The following TENM3 variants were observed in gnomAD, a reference collection of about 807,000 sequenced individuals.
The protein encoded by TENM3 is teneurin-3.
TENM3 carries 63 observed loss-of-function variants against 255.1 expected under a neutral mutation model. The observed-to-expected ratio is 0.25, with a 90% confidence interval of 0.20 to 0.30. The LOEUF (loss-of-function observed/expected upper bound fraction) is 0.30. Ranked by LOEUF, TENM3 falls within the 10% of genes least tolerant of loss-of-function variation. The pLI is 1.00. For synonymous variants in TENM3, 1,306 were observed against 1,322.3 expected (o/e 0.99, Z 0.27); for missense variants, 2,929 against 3,461.1 (o/e 0.85, Z 3.86).
intron 1 of TENM3, among the ~76,000 whole-genome samples, chr4:182,184,947 G>A (rs1271633264): frequency 6.6e-6 from 1 of 152,062 alleles, no homozygotes; most frequent in African/African-American, 2.4e-5. Context: ...GCTGGGCATG[G>A]TGGTGGGCGC....
chr4:182,276,595 G>A (rs1024714698), intron 1 of TENM3, among the ~76,000 whole-genome samples: 4 of 152,148 alleles, frequency 2.6e-5, no homozygotes, highest in African/African-American at 9.7e-5. Flanking sequence ...CCCACTGAAC[G>A]TGAACTAATC....
chr4:181,982,696 T>C, the TENM3 span, among the ~76,000 whole-genome samples: 14 of 152,156 alleles, frequency 9.2e-5, no homozygotes, highest in African/African-American at 3.4e-4. Flanking sequence ...TGAATATGGA[T>C]TCAATTGTTT....
intron 3 of TENM3, among the ~76,000 whole-genome samples, chr4:182,448,606 T>A (rs1773138062): frequency 6.6e-6 from 1 of 151,844 alleles, no homozygotes; most frequent in African/African-American, 2.4e-5. Context: ...TGAGGCGGGA[T>A]CAAAAGCCGC....
intron 7 of TENM3, among the ~76,000 whole-genome samples, chr4:182,673,610 GA>G (rs1755408502): frequency 6.6e-6 from 1 of 152,094 alleles, no homozygotes; most frequent in African/African-American, 2.4e-5. Context: ...TCATTCTGTT[GA>G]AAATGTATTT....
At chr4:182,109,961 G>GA in the TENM3 span, among the ~76,000 whole-genome samples, 1 of 151,898 alleles carries the variant, frequency 6.6e-6, no homozygotes, top group Non-Finnish European at 1.5e-5. Flanking sequence ...ATAGTTAGGG[G>GA]AAAAATGAAT....
the TENM3 span, among the ~76,000 whole-genome samples, chr4:181,651,068 G>C: frequency 6.6e-6 from 1 of 152,120 alleles, no homozygotes; most frequent in Admixed American, 6.5e-5. Context: ...ATGCCAGAAA[G>C]GTTACTGAAA....
intron 1 of TENM3, among the ~76,000 whole-genome samples, chr4:182,192,106 T>C (rs529505820): frequency 6.6e-6 from 1 of 152,290 alleles, no homozygotes; most frequent in African/African-American, 2.4e-5. Context: ...GGGAAAATTA[T>C]ATGAAATTCA....
At chr4:182,395,579 T>A (rs1470322011) in intron 3 of TENM3, among the ~76,000 whole-genome samples, 1 of 152,242 alleles carries the variant, frequency 6.6e-6, no homozygotes, top group African/African-American at 2.4e-5. Context: ...GGGGAGATGC[T>A]GAGCCCTTTA....
At chr4:182,568,680 G>A (rs1744040514) in intron 3 of TENM3, among the ~76,000 whole-genome samples, 1 of 151,988 alleles carries the variant, frequency 6.6e-6, no homozygotes, top group Non-Finnish European at 1.5e-5. Context: ...AAACACAGGT[G>A]AAAAACTGTT....
chr4:182,356,134 C>CA (rs33980465), intron 3 of TENM3, among the ~76,000 whole-genome samples: 11,259 of 150,420 alleles, frequency 0.075, 1,126 homozygotes, highest in African/African-American at 0.22. Context: ...TTTATAGAGG[C>CA]AAAAAAAACC....
the TENM3 span, among the ~76,000 whole-genome samples, chr4:181,544,423 A>AAAAAAAAAAAAAAAAAAAAAAAAAC: frequency 7.1e-6 from 1 of 140,170 alleles, no homozygotes; most frequent in African/African-American, 2.5e-5. Context: ...AAAAAAAAAA[A>AAAAAAAAAAAAAAAAAAAAAAAAAC]AAAAAAAAAA....
At chr4:181,713,187 G>T in the TENM3 span, among the ~76,000 whole-genome samples, 1 of 152,168 alleles carries the variant, frequency 6.6e-6, no homozygotes, top group African/African-American at 2.4e-5. Context: ...GAAACTAAGT[G>T]TGCCTTTGTC....
At chr4:182,280,657 C>G (rs759642681) in intron 1 of TENM3, among the ~76,000 whole-genome samples, 1 of 152,152 alleles carries the variant, frequency 6.6e-6, no homozygotes, top group Non-Finnish European at 1.5e-5. Context: ...TGGCGCGGTA[C>G]GGAAAATTGA....
chr4:181,575,183 T>G, the TENM3 span, among the ~76,000 whole-genome samples: 1 of 152,260 alleles, frequency 6.6e-6, no homozygotes, highest in East Asian at 1.9e-4. Flanking sequence ...GATATAATAT[T>G]TCATTATATA....
At chr4:181,754,959 T>C in the TENM3 span, among the ~76,000 whole-genome samples, 1 of 152,160 alleles carries the variant, frequency 6.6e-6, no homozygotes, top group South Asian at 2.1e-4. Flanking sequence ...GTCACGTGTT[T>C]TGTTAGATTT....
At chr4:182,662,804 C>T (rs1270544397) in intron 6 of TENM3, among the ~76,000 whole-genome samples, 1 of 152,152 alleles carries the variant, frequency 6.6e-6, no homozygotes, top group African/African-American at 2.4e-5. Context: ...GTCAATGGCC[C>T]ACTGACTTCC....
At chr4:181,721,951 C>A in the TENM3 span, among the ~76,000 whole-genome samples, 4 of 152,018 alleles carry the variant, frequency 2.6e-5, no homozygotes, top group African/African-American at 9.7e-5. Flanking sequence ...GTGGACTTAC[C>A]ACTAAGGCTG....
intron 3 of TENM3, among the ~76,000 whole-genome samples, chr4:182,377,647 G>C (rs921139641): frequency 6.6e-6 from 1 of 152,050 alleles, no homozygotes; most frequent in Non-Finnish European, 1.5e-5. Flanking sequence ...TATTGTCATT[G>C]CTTGTTTCTG....
intron 3 of TENM3, among the ~76,000 whole-genome samples, chr4:182,556,561 CTTTATA>C (rs1405103201): frequency 9.9e-5 from 15 of 152,078 alleles, no homozygotes; most frequent in African/African-American, 1.4e-4. Context: ...TTATTTAAAA[CTTTATA>C]TTTAGAGAAT....
Sources: gnomAD v4.1 joint callset for allele counts (sites outside exome capture counted in the v4.1 genomes callset) on GRCh38, gnomAD v4.1.1 for gene constraint, MANE v1.5 for transcripts, NCBI Gene and HGNC (gene_info 2026-07-23, HGNC 2026-07-21) for gene names.